ADCY9: variants seen among roughly 807,000 people sequenced by gnomAD.
The protein encoded by ADCY9 is adenylate cyclase 9.
In ADCY9, 50 loss-of-function variants were observed where a neutral mutation model predicts 101.5. The observed-to-expected ratio is 0.49, with a 90% confidence interval of 0.39 to 0.62. ADCY9 has a LOEUF of 0.62. ADCY9 is among the 20% of genes least tolerant of loss of function. The probability of loss-of-function intolerance (pLI) is 0.00; values close to 1 mark genes in which losing one functional copy is unlikely to be tolerated. For missense variants in ADCY9, 1,662 were observed against 1,800.4 expected, an observed-to-expected ratio of 0.92 and a Z score of 1.39; for synonymous variants, 905 against 769.3, an observed-to-expected ratio of 1.18 and a Z score of -2.92.
intron 2 of ADCY9, among the ~76,000 whole-genome samples, chr16:4,043,889 A>T (rs1284746181): frequency 6.6e-6 from 1 of 151,982 alleles, no homozygotes; most frequent in Non-Finnish European, 1.5e-5. Context: ...ATCACTAGGA[A>T]CTCTGCAACC....
At chr16:4,018,282 C>T (rs147927267) in intron 2 of ADCY9, among the ~76,000 whole-genome samples, 2 of 149,918 alleles carry the variant, frequency 1.3e-5, no homozygotes, top group African/African-American at 2.5e-5. Flanking sequence ...GGCATGATCT[C>T]GGCTCACTGC....
At chr16:4,000,836 G>A (rs377201676) in intron 3 of ADCY9, among the ~76,000 whole-genome samples, 1 of 152,070 alleles carries the variant, frequency 6.6e-6, no homozygotes, top group Non-Finnish European at 1.5e-5. Context: ...GTTACCAGCT[G>A]TGGAAACAGT....
At chr16:4,016,248 G>A (rs151035577) in intron 2 of ADCY9, among the ~76,000 whole-genome samples, 12 of 152,282 alleles carry the variant, frequency 7.9e-5, no homozygotes, top group African/African-American at 2.9e-4. Context: ...ACAACAAAAT[G>A]GAAATGAAGG....
At position 3,977,511 on chromosome 16, in the gene ADCY9, G is replaced by A. The variant is rs377690683; in HGVS notation, c.2799C>T (p.Leu933=). ...LATVVGAGPL[L]LLYVSLCPDS... ...CTGGGCACAGGGAGACGTAGAGCAG[G>A]AGCAGCGGCCCGGCCCCCACGACGG... is the stretch of plus-strand genomic sequence containing the variant. Residue 933 remains leucine, a synonymous_variant, in exon 9 of 11, where the codon CTC becomes CTT. Transcript: ENST00000294016. 2.5e-6 allele frequency: 4 copies of A among 1,579,816 alleles called. No homozygotes were observed. Among genetic ancestry groups the A allele is most frequent in the African/African-American group, 1.3e-5 (1 of 74,522 alleles).
rs1399804998 is a variant in ADCY9 at position 4,113,779 on chromosome 16, C to T, written c.1664G>A (p.Gly555Asp). The T allele has an allele frequency of 6.2e-7, 1 of 1,613,574 alleles. No individual in the cohort carries two copies. Among genetic ancestry groups the T allele is most frequent in the Non-Finnish European group, 8.5e-7 (1 of 1,179,764 alleles). ...MEDGKVIERL[G>D]QSVVADQLKG... ...CAACTGGTCAGCAACCACGCTCTGGCCCAGCCGTTCAATAACTTTCCCATC... is the reference window on the plus strand; with the variant it reads ...CAACTGGTCAGCAACCACGCTCTGGTCCAGCCGTTCAATAACTTTCCCATC... Residue 555 changes from glycine (G) to aspartate (D), a missense_variant, in exon 2 of 11, where the codon GGC (glycine) becomes GAC (aspartate). This residue lies in a region of ADCY9 where 624 missense variants were observed against 639.1 expected (regional missense o/e 0.98). Transcript: ENST00000294016.
chr16:3,990,534 C>T (rs2056235884), intron 5 of ADCY9, among the ~76,000 whole-genome samples: 5 of 152,016 alleles, frequency 3.3e-5, no homozygotes, highest in Admixed American at 2.6e-4. Context: ...ACACAAAGTA[C>T]GGCTCATCAC....
chr16:4,079,546 A>T (rs1270717440), intron 2 of ADCY9, among the ~76,000 whole-genome samples: 1 of 152,162 alleles, frequency 6.6e-6, no homozygotes, highest in East Asian at 1.9e-4. Context: ...TTCAGCCTGG[A>T]TGACAGAGCA....
chr16:4,086,066 G>A (rs2056936139), intron 2 of ADCY9, among the ~76,000 whole-genome samples: 1 of 152,068 alleles, frequency 6.6e-6, no homozygotes, highest in Admixed American at 6.6e-5. Flanking sequence ...CTCACAGGTA[G>A]GCAGACGGCC....
Position 4,115,215 on chromosome 16 carries a change from C to T in ADCY9, c.228G>A (p.Gln76=), listed in dbSNP as rs763047487. ...TCTCGAACAGCTGGGGCAGCTTCTTCTGCCTGCGCAGCCGGCCTCCGCCGC... is the reference window on the plus strand; with the variant it reads ...TCTCGAACAGCTGGGGCAGCTTCTTTTGCCTGCGCAGCCGGCCTCCGCCGC... ...RVGGGGRLRR[Q]KKLPQLFERA... Residue 76 remains glutamine, a synonymous_variant, in exon 2 of 11, where the codon CAG becomes CAA. Coordinates refer to ENST00000294016, the MANE Select transcript of ADCY9 (RefSeq NM_001116.4). The surrounding 1 kb of genome is among the most constrained non-coding windows in gnomAD (Gnocchi z 6.2). The T allele has an allele frequency of 6.2e-7, 1 of 1,613,436 alleles. No homozygotes were observed. The highest frequency in any genetic ancestry group is 1.1e-5 in the South Asian group (1 of 91,070).
At position 3,989,306 on chromosome 16, in the gene ADCY9, T is replaced by C. The variant is rs151087717; in HGVS notation, c.2208-210A>G. Among the ~76,000 whole-genome samples, 790 of 152,310 alleles carry C rather than the reference T, an allele frequency of 5.2e-3. 3 individuals are homozygous for C. Among genetic ancestry groups the C allele is most frequent in the African/African-American group, 0.018 (737 of 41,576 alleles). ...CGCACCTCAAAGCATAATCATATTT[T>C]GTGTTTCACCTTCGTTAAAGAATGA... On this transcript the variant is annotated intron_variant, in intron 5 of 10. Coordinates refer to ENST00000294016, the MANE Select transcript of ADCY9 (RefSeq NM_001116.4).
chr16:4,100,426 T>C (rs9806845), intron 2 of ADCY9, among the ~76,000 whole-genome samples: 47,152 of 151,894 alleles, frequency 0.31, 7,871 homozygotes, highest in South Asian at 0.44. Flanking sequence ...ACCTTCTAGG[T>C]TCCAGCGATT....
chr16:4,072,565 C>T (rs917642036), intron 2 of ADCY9, among the ~76,000 whole-genome samples: 2 of 152,092 alleles, frequency 1.3e-5, no homozygotes. Flanking sequence ...TGAACAGAAG[C>T]TTGAGAACAG....
intron 2 of ADCY9, among the ~76,000 whole-genome samples, chr16:4,022,219 T>C (rs1168330067): frequency 6.6e-6 from 1 of 152,178 alleles, no homozygotes; most frequent in Non-Finnish European, 1.5e-5. Context: ...CAACCAGGCA[T>C]GGTGGCTCAT....
chr16:4,057,633 G>A (rs777602539), intron 2 of ADCY9, among the ~76,000 whole-genome samples: 26 of 152,184 alleles, frequency 1.7e-4, no homozygotes, highest in Non-Finnish European at 2.9e-4. Context: ...AAGCTTCTGT[G>A]AGCACGCCAG....
Position 4,082,186 on chromosome 16 carries a change from G to C in ADCY9, c.1693+31564C>G, listed in dbSNP as rs140638985. Among the ~76,000 whole-genome samples, 14 of 152,006 alleles carry C rather than the reference G, an allele frequency of 9.2e-5. No homozygotes were observed. In the East Asian group the frequency reaches 2.7e-3, roughly 29 times the overall value. On this transcript the variant is annotated intron_variant, in intron 2 of 10. Transcript: ENST00000294016. ...ACACCAGGAGTTAAAGACCAGCCTC[G>C]GCAACATAGCGAGACCCTGTCTCTA...
intron 2 of ADCY9, among the ~76,000 whole-genome samples, chr16:4,112,628 C>T (rs371997932): frequency 2.6e-5 from 4 of 151,872 alleles, no homozygotes; most frequent in African/African-American, 4.8e-5. Flanking sequence ...TTACTTCTTC[C>T]GAGGATTCCC....
At position 3,963,288 on chromosome 16, in the gene ADCY9, C is replaced by G; in HGVS notation, c.*2487G>C. ...TTGCCACCCTGAAGCACGACCCATG[C>G]CGTCAGCAGCCCTCGTGCCAGCTGC... On this transcript the variant is annotated 3_prime_UTR_variant, in exon 11 of 11. Transcript: ENST00000294016. The G allele has an allele frequency of 5.0e-6, 2 of 398,708 alleles. No homozygotes were observed. The allele number at this position is 398,708 out of a possible 1,614,324, so 24.7% of individuals were successfully genotyped here.
At chr16:3,969,217 G>A (rs1358334806) in intron 10 of ADCY9, among the ~76,000 whole-genome samples, 2 of 152,120 alleles carry the variant, frequency 1.3e-5, no homozygotes, top group South Asian at 4.1e-4. Context: ...GGCTGCAGAT[G>A]AGTGGTGAGT....
intron 6 of ADCY9, among the ~76,000 whole-genome samples, chr16:3,985,738 C>T (rs1013418318): frequency 5.9e-5 from 9 of 152,084 alleles, no homozygotes; most frequent in African/African-American, 9.7e-5. Context: ...CATCCATGGA[C>T]GCTGCCAGAG....
Sources: gnomAD v4.1 joint callset for allele counts (sites outside exome capture counted in the v4.1 genomes callset) on GRCh38, gnomAD v4.1.1 for gene constraint, gnomAD v4.1.1 regional missense constraint, Gnocchi (gnomAD v3.1) non-coding constraint, MANE v1.5 for transcripts, NCBI Gene and HGNC (gene_info 2026-07-23, HGNC 2026-07-21) for gene names.